ATG4A: variants seen among roughly 807,000 people sequenced by gnomAD.
ATG4A encodes the protein autophagy related 4A cysteine peptidase, also known as cysteine protease ATG4A.
ATG4A carries 22 observed loss-of-function variants against 38.4 expected under a neutral mutation model. That is an observed-to-expected ratio of 0.57 (90% confidence interval 0.41 to 0.82). The LOEUF (loss-of-function observed/expected upper bound fraction) is 0.82, where lower values mean the gene tolerates loss of function less well. ATG4A is among the 40% of genes least tolerant of loss of function. The pLI is 0.00. For synonymous variants in ATG4A, 86 were observed against 100.7 expected (o/e 0.85, Z 0.88); for missense variants, 220 against 290.0 (o/e 0.76, Z 1.75).
At chrX:108,099,957 A>G (rs986116506) in intron 1 of ATG4A, among the ~76,000 whole-genome samples, 3 of 111,365 alleles carry the variant, frequency 2.7e-5, no homozygotes, top group African/African-American at 9.8e-5. Flanking sequence ...AACTTTCCCT[A>G]TAAATTTTAG....
intron 6 of ATG4A, among the ~76,000 whole-genome samples, chrX:108,135,347 T>C (rs2033069414): frequency 8.9e-6 from 1 of 111,915 alleles, no homozygotes; most frequent in South Asian, 3.7e-4. Context: ...CCTCCTTTGG[T>C]GTAGAATATT....
At chrX:108,113,796 G>A (rs186366661) in intron 1 of ATG4A, among the ~76,000 whole-genome samples, 1 of 111,374 alleles carries the variant, frequency 9.0e-6, no homozygotes, top group Admixed American at 9.5e-5. Flanking sequence ...AGAATAGCAC[G>A]GGAAAGACTG....
intron 10 of ATG4A, 47 bp from the exon 11 acceptor site, chrX:108,151,755 C>G (rs2033593452): frequency 7.7e-6 from 9 of 1,161,352 alleles, no homozygotes; most frequent in Non-Finnish European, 1.1e-5. Context: ...CTCCATTGTG[C>G]AATACCAAAG....
intron 1 of ATG4A, among the ~76,000 whole-genome samples, chrX:108,093,368 T>G (rs1318997745): frequency 2.7e-5 from 3 of 112,453 alleles, no homozygotes; most frequent in African/African-American, 9.7e-5. Context: ...TTTTTGAGAT[T>G]CATCCATATT....
chrX:108,150,257 A>G lies in ATG4A; in HGVS notation c.920A>G (p.Gln307Arg), dbSNP rs1164929690. 1.6e-6 allele frequency: 2 copies of G among 1,212,225 alleles called. No homozygotes were observed. The highest frequency in any genetic ancestry group is 1.8e-5 in the South Asian group (1 of 57,027). Reference sequence around the variant, plus strand: ...ACTTTCCATTGCCTGCAGTCCCCACAGCGAATGAACATCCTAAACCTGGAT... The same window carrying G: ...ACTTTCCATTGCCTGCAGTCCCCACGGCGAATGAACATCCTAAACCTGGAT... ...DQTFHCLQSPQRMNILNLDPS... is the reference protein window; with the variant it reads ...DQTFHCLQSPRRMNILNLDPS... The change falls in exon 10 of 13, where the codon CAG (glutamine) becomes CGG (arginine). Residue 307 changes from glutamine to arginine, a missense_variant. This residue lies in a region of ATG4A where 159 missense variants were observed against 188.9 expected (regional missense o/e 0.84). Transcript: ENST00000372232.
chrX:108,114,208 C>T (rs2032443830), intron 1 of ATG4A, among the ~76,000 whole-genome samples: 1 of 111,573 alleles, frequency 9.0e-6, no homozygotes, highest in Non-Finnish European at 1.9e-5. Context: ...TTATTGGCTA[C>T]ACCGAGGCAC....
chrX:108,090,635 G>A (rs966653227), upstream of ATG4A, among the ~76,000 whole-genome samples: 1 of 111,874 alleles, frequency 8.9e-6, no homozygotes, highest in Non-Finnish European at 1.9e-5. Context: ...TAGTGCTTAC[G>A]ACACTGTCTG....
Position 108,147,020 on chromosome X carries a change from A to G in ATG4A, c.815-3132A>G, listed in dbSNP as rs1298290876. On this transcript the variant is annotated intron_variant, in intron 9 of 12. Coordinates refer to ENST00000372232, the MANE Select transcript of ATG4A (RefSeq NM_052936.5). ...CTCCAGGTTTCTGTTTATATAAATT[A>G]GAAAACTCAAGCAGTTATTTTTGAG... is the stretch of plus-strand genomic sequence containing the variant. 3.4e-4 allele frequency among the ~76,000 whole-genome samples: 38 copies of G among 111,616 alleles called. 1 individual carries two copies. In the Admixed American group the frequency reaches 3.5e-3, roughly 10 times the overall value.
At chrX:108,096,985 A>G (rs1299617284) in intron 1 of ATG4A, among the ~76,000 whole-genome samples, 1 of 111,423 alleles carries the variant, frequency 9.0e-6, no homozygotes, top group Non-Finnish European at 1.9e-5. Flanking sequence ...TGGATTCTAG[A>G]TACTAAAACA....
chrX:108,140,358 G>C (rs1360097195), intron 9 of ATG4A, among the ~76,000 whole-genome samples: 1 of 110,616 alleles, frequency 9.0e-6, no homozygotes, highest in East Asian at 2.8e-4. Flanking sequence ...AGTCCTTTGT[G>C]CAAACTTCAC....
intron 10 of ATG4A, among the ~76,000 whole-genome samples, chrX:108,150,934 C>T (rs1246941682): frequency 1.8e-5 from 2 of 112,300 alleles, no homozygotes; most frequent in Admixed American, 1.9e-4. Flanking sequence ...AACAATAGTT[C>T]GTTCCTTATG....
At chrX:108,128,531 G>T (rs2032862518) in intron 2 of ATG4A, among the ~76,000 whole-genome samples, 1 of 111,472 alleles carries the variant, frequency 9.0e-6, no homozygotes, top group Non-Finnish European at 1.9e-5. Flanking sequence ...CAGGACTGTG[G>T]AACTCAGTGA....
At chrX:108,090,240 A>G (rs2031565761), upstream of ATG4A, among the ~76,000 whole-genome samples, 1 of 112,025 alleles carries the variant, frequency 8.9e-6, no homozygotes, top group African/African-American at 3.2e-5. Context: ...TCCGGTCTGT[A>G]TTCAGATTGC....
chrX:108,093,460 A>G (rs2031701592), intron 1 of ATG4A, among the ~76,000 whole-genome samples: 1 of 111,709 alleles, frequency 9.0e-6, no homozygotes, highest in Non-Finnish European at 1.9e-5. Flanking sequence ...TTATCTGTCT[A>G]CTCACTATTA....
chrX:108,129,244 AATTT>A (rs1381892634), intron 3 of ATG4A, among the ~76,000 whole-genome samples: 1 of 112,367 alleles, frequency 8.9e-6, no homozygotes, highest in Admixed American at 9.4e-5. Flanking sequence ...GAAAGAAAAT[AATTT>A]ATTTGTTTTT....
chrX:108,126,955 G>GAA (rs777996192), intron 2 of ATG4A: 121 of 296,364 alleles, frequency 4.1e-4, no homozygotes, highest in African/African-American at 3.2e-3. Context: ...AGAGGCTGAT[G>GAA]AAAAGGCAGG....
chrX:108,104,289 C>G (rs1308224374), intron 1 of ATG4A, among the ~76,000 whole-genome samples: 4 of 112,215 alleles, frequency 3.6e-5, no homozygotes, highest in Non-Finnish European at 7.5e-5. Context: ...CTTATTATTT[C>G]AACTCAAATG....
At chrX:108,091,257 G>C (rs757472899), upstream of ATG4A, 21 of 504,022 alleles carry the variant, frequency 4.2e-5, no homozygotes, top group Admixed American at 5.8e-4. Flanking sequence ...CCTATCGCGA[G>C]TCCCGAGGTG....
intron 1 of ATG4A, among the ~76,000 whole-genome samples, chrX:108,098,443 T>G (rs1308661098): frequency 3.6e-5 from 4 of 111,818 alleles, no homozygotes; most frequent in Non-Finnish European, 7.5e-5. Context: ...CCATATAATC[T>G]TCATCTGAGT....
Sources: gnomAD v4.1 joint callset for allele counts (sites outside exome capture counted in the v4.1 genomes callset) on GRCh38, gnomAD v4.1.1 for gene constraint, gnomAD v4.1.1 regional missense constraint, MANE v1.5 for transcripts, NCBI Gene and HGNC (gene_info 2026-07-23, HGNC 2026-07-21) for gene names.